Variants in CNBP observed in about 807,000 individuals in gnomAD.
The protein encoded by CNBP is cellular nucleic acid-binding protein.
Under a neutral mutation model 21.2 loss-of-function variants are expected in CNBP, and 6 were observed. That is an observed-to-expected ratio of 0.28 (90% CI 0.16 to 0.56). CNBP has a LOEUF of 0.56. CNBP is among the 20% of genes least tolerant of loss of function. CNBP has a pLI of 0.93. For synonymous variants in CNBP, 61 were observed against 74.9 expected (o/e 0.81, Z 0.96); for missense variants, 112 against 233.1 (o/e 0.48, Z 3.38).
At chr3:129,173,856 G>A (rs1299196558) in intron 1 of CNBP, among the ~76,000 whole-genome samples, 3 of 152,078 alleles carry the variant, frequency 2.0e-5, no homozygotes, top group Non-Finnish European at 4.4e-5. Context: ...AACTTGAGTG[G>A]ATAATCGAAT....
chr3:129,175,911 C>T (rs1346241610), intron 1 of CNBP, among the ~76,000 whole-genome samples: 2 of 152,182 alleles, frequency 1.3e-5, no homozygotes, highest in Non-Finnish European at 2.9e-5. Context: ...TCTGCCCTCT[C>T]CTCCCTTTGG....
intron 1 of CNBP, among the ~76,000 whole-genome samples, chr3:129,182,016 T>A (rs1415819481): frequency 6.6e-6 from 1 of 151,612 alleles, no homozygotes; most frequent in African/African-American, 2.4e-5. Context: ...ATTAGAAGCA[T>A]TTAAAACTAT....
At chr3:129,172,617 CAGG>C (rs1937609705) in intron 1 of CNBP, among the ~76,000 whole-genome samples, 3 of 79,434 alleles carry the variant, frequency 3.8e-5, no homozygotes, top group Non-Finnish European at 5.6e-5. Context: ...GACAGGCAGA[CAGG>C]CAGCCAGGCA....
intron 1 of CNBP, among the ~76,000 whole-genome samples, chr3:129,179,539 G>A (rs958710788): frequency 1.3e-5 from 2 of 152,010 alleles, no homozygotes; most frequent in Admixed American, 6.6e-5. Context: ...ACAACCTCAC[G>A]AGTTATGTAT....
At position 129,179,069 on chromosome 3, in the gene CNBP, G is replaced by A. The variant is rs540932350; in HGVS notation, c.-15+4707C>T. Among the ~76,000 whole-genome samples the A allele has an allele frequency of 5.3e-5, 8 of 152,072 alleles. No homozygotes were observed. In the East Asian group the frequency reaches 1.5e-3, roughly 29 times the overall value. On this transcript the variant is annotated intron_variant, in intron 1 of 4. Coordinates refer to ENST00000422453, the MANE Select transcript of CNBP (RefSeq NM_003418.5). ...GAGGTGGGTGGATCACCAAAGGTCG[G>A]GAGCTCAGGACCAGCCTGACCAACA... is the stretch of plus-strand genomic sequence containing the variant.
At chr3:129,181,783 AACAC>A (rs939415226) in intron 1 of CNBP, among the ~76,000 whole-genome samples, 21 of 152,148 alleles carry the variant, frequency 1.4e-4, no homozygotes, top group Non-Finnish European at 4.4e-5. Context: ...TCCTCAGAAA[AACAC>A]AAACTGTTAT....
At chr3:129,171,945 C>G (rs557464480) in intron 1 of CNBP, among the ~76,000 whole-genome samples, 174 bp from the exon 2 acceptor site, 2 of 150,416 alleles carry the variant, frequency 1.3e-5, no homozygotes, top group African/African-American at 4.9e-5. Flanking sequence ...TTTGGGAGGC[C>G]GAGGTGGGTG....
intron 1 of CNBP, 35 bp from the exon 2 acceptor site, chr3:129,171,806 TGA>T (rs764013473): frequency 6.4e-7 from 1 of 1,573,848 alleles, no homozygotes; most frequent in South Asian, 1.2e-5. Flanking sequence ...ATTAAACCAC[TGA>T]AAGTTCTTTT....
intron 1 of CNBP, among the ~76,000 whole-genome samples, chr3:129,174,632 G>A (rs1329211560): frequency 7.0e-6 from 1 of 143,638 alleles, no homozygotes; most frequent in African/African-American, 2.6e-5. Context: ...GCACTCCAAC[G>A]TGGGTTACAA....
rs56763410 is a variant in CNBP at position 129,168,204 on chromosome 3, G to T, written c.*2249C>A. Among the ~76,000 whole-genome samples the T allele has an allele frequency of 0.013, 1,984 of 152,228 alleles. 31 individuals are homozygous for T. Among genetic ancestry groups the T allele is most frequent in the African/African-American group, 0.045 (1,875 of 41,520 alleles). On this transcript the variant is annotated 3_prime_UTR_variant, in exon 5 of 5. Transcript: ENST00000422453. Reference sequence around the variant, plus strand: ...GAGTGAATAATGGTTGAAGTTCCAGGCTCTAACTGTACATCCTTAAGTAAA... The same window carrying T: ...GAGTGAATAATGGTTGAAGTTCCAGTCTCTAACTGTACATCCTTAAGTAAA...
At chr3:129,170,793 G>A (rs867381435) in intron 4 of CNBP, among the ~76,000 whole-genome samples, 38 of 152,156 alleles carry the variant, frequency 2.5e-4, no homozygotes, top group Admixed American at 3.9e-4. Context: ...GTATATTACA[G>A]AGCTTTCTAT....
At chr3:129,183,336 AC>A (rs1368946530) in intron 1 of CNBP, among the ~76,000 whole-genome samples, 4 of 150,746 alleles carry the variant, frequency 2.7e-5, no homozygotes, top group African/African-American at 9.8e-5. Flanking sequence ...GACTATACCC[AC>A]CCCATCCCCC....
chr3:129,181,565 C>G (rs1384950178), intron 1 of CNBP, among the ~76,000 whole-genome samples: 5 of 140,750 alleles, frequency 3.6e-5, no homozygotes, highest in African/African-American at 1.3e-4. Flanking sequence ...GCAGGAGAAT[C>G]GCTTAATCCG....
At chr3:129,170,812 TG>T (rs1937554209) in intron 4 of CNBP, among the ~76,000 whole-genome samples, 1 of 152,222 alleles carries the variant, frequency 6.6e-6, no homozygotes, top group Admixed American at 6.5e-5. Context: ...ATGAAGTCTC[TG>T]GAAGTTTCAA....
At chr3:129,175,216 CGA>C (rs1055320606) in intron 1 of CNBP, among the ~76,000 whole-genome samples, 3 of 151,606 alleles carry the variant, frequency 2.0e-5, no homozygotes, top group Admixed American at 6.6e-5. Context: ...CCTAGCTACT[CGA>C]GAGGCTGAGG....
At position 129,168,301 on chromosome 3, in the gene CNBP, A is replaced by G. The variant is rs1207169799; in HGVS notation, c.*2152T>C. ...TTAAGGTCCATCTCAACTCTAAATG[A>G]GACACTAGCAAAAACAAGGAATCCA... On this transcript the variant is annotated 3_prime_UTR_variant, in exon 5 of 5. Transcript: ENST00000422453. Among the ~76,000 whole-genome samples, 1 of 152,108 alleles carries G rather than the reference A, an allele frequency of 6.6e-6. No individual in the cohort carries two copies. The highest frequency in any genetic ancestry group is 2.4e-5 in the African/African-American group (1 of 41,424).
chr3:129,170,157 C>A lies in CNBP; in HGVS notation c.*296G>T. 2 of 342,016 alleles carry A rather than the reference C, an allele frequency of 5.8e-6. No individual in the cohort carries two copies. The highest frequency in any genetic ancestry group is 1.1e-5 in the Non-Finnish European group (2 of 183,802). 21.2% of individuals were successfully genotyped at this position (342,016 alleles called of 1,614,324 possible). A position where few individuals can be genotyped will look rare whatever the true frequency, so the allele number is the denominator to read the frequency against. ...ACATGTTCAAGGAACCCAGGACGGG[C>A]TTACTGGTCTGACTCAACTCTTCCC... On this transcript the variant is annotated 3_prime_UTR_variant, in exon 5 of 5. Transcript: ENST00000422453.
Position 129,168,776 on chromosome 3 carries a change from CATG to C in CNBP, c.*1674_*1676del, listed in dbSNP as rs1937513931. The stretch of plus-strand genomic sequence containing the variant: ...AGGAGTTGGAGACCAGCCCGACCAA[CATG>C]ATGAAACCCAGTCTCTACTAAAAAT... On this transcript the variant is annotated 3_prime_UTR_variant, in exon 5 of 5. Coordinates refer to ENST00000422453, the MANE Select transcript of CNBP (RefSeq NM_003418.5). 1.3e-5 allele frequency among the ~76,000 whole-genome samples: 2 copies of C among 151,892 alleles called. No homozygotes were observed. The highest frequency in any genetic ancestry group is 2.1e-4 in the South Asian group (1 of 4,806).
At chr3:129,174,601 G>T (rs952893071) in intron 1 of CNBP, among the ~76,000 whole-genome samples, 3 of 150,234 alleles carry the variant, frequency 2.0e-5, no homozygotes, top group African/African-American at 7.3e-5. Context: ...GGAGGTGGAG[G>T]TTGTTGCAAG....
Sources: gnomAD v4.1 joint callset for allele counts (sites outside exome capture counted in the v4.1 genomes callset) on GRCh38, gnomAD v4.1.1 for gene constraint, MANE v1.5 for transcripts, NCBI Gene and HGNC (gene_info 2026-07-23, HGNC 2026-07-21) for gene names.